The following LSAMP variants were observed in gnomAD, a reference collection of about 807,000 sequenced individuals.
The protein encoded by LSAMP is limbic system-associated membrane protein.
A neutral mutation model predicts 38.6 loss-of-function variants in LSAMP; 7 were observed. The ratio of observed to expected loss-of-function variants is 0.18; its 90% CI spans 0.10 to 0.34. LSAMP has a LOEUF of 0.34. Ranked by LOEUF, LSAMP falls within the 10% of genes least tolerant of loss-of-function variation. The pLI, the probability that LSAMP is intolerant of heterozygous loss-of-function variation, is 1.00. For missense variants in LSAMP, 313 were observed against 420.0 expected, an observed-to-expected ratio of 0.75 and a Z score of 2.23; for synonymous variants, 154 against 166.8, an observed-to-expected ratio of 0.92 and a Z score of 0.59.
chr3:115,948,229 A>T (rs1314918204), intron 3 of LSAMP, among the ~76,000 whole-genome samples: 2 of 152,234 alleles, frequency 1.3e-5, no homozygotes, highest in Non-Finnish European at 2.9e-5. Flanking sequence ...TGAAGATTTC[A>T]TTCATTTGGT....
chr3:116,413,126 A>G (rs1210557139), intron 1 of LSAMP, among the ~76,000 whole-genome samples: 6 of 152,082 alleles, frequency 3.9e-5, no homozygotes, highest in Admixed American at 2.6e-4. Context: ...TTGATAATCA[A>G]TGGCTTATAA....
intron 3 of LSAMP, among the ~76,000 whole-genome samples, chr3:115,917,872 A>G (rs892745311): frequency 5.9e-5 from 9 of 152,172 alleles, no homozygotes; most frequent in African/African-American, 2.2e-4. Flanking sequence ...TGCCTCACCA[A>G]CTTCCATAAA....
intron 1 of LSAMP, among the ~76,000 whole-genome samples, chr3:116,326,536 A>T (rs758939728): frequency 2.6e-5 from 4 of 152,138 alleles, no homozygotes; most frequent in Non-Finnish European, 5.9e-5. Context: ...ATAGGGAGGC[A>T]CACCAGCTTG....
At chr3:116,389,083 T>C (rs1369039316) in intron 1 of LSAMP, among the ~76,000 whole-genome samples, 5 of 152,130 alleles carry the variant, frequency 3.3e-5, no homozygotes, top group Non-Finnish European at 4.4e-5. Context: ...CTTTGTGTCT[T>C]GGAGGGATGG....
intron 2 of LSAMP, among the ~76,000 whole-genome samples, chr3:116,045,379 G>A (rs537046765): frequency 6.6e-6 from 1 of 152,206 alleles, no homozygotes; most frequent in Admixed American, 6.5e-5. Flanking sequence ...TGTCTTTGAA[G>A]GGAATGTGGC....
At position 116,003,819 on chromosome 3, in the gene LSAMP, G is replaced by C. The variant is rs1461441533; in HGVS notation, c.514+15696C>G. Among the ~76,000 whole-genome samples, 3 of 152,248 alleles carry C rather than the reference G, an allele frequency of 2.0e-5. 1 individual carries two copies. The highest frequency in any genetic ancestry group is 7.2e-5 in the African/African-American group (3 of 41,560). ...GTTACAAGAAGCTAGAAGAAGTAAG[G>C]AAAGTTTTCCCACTAGATCCTTCAA... On this transcript the variant is annotated intron_variant, in intron 3 of 6. Transcript: ENST00000490035.
intron 1 of LSAMP, among the ~76,000 whole-genome samples, chr3:116,212,894 T>C (rs772823182): frequency 3.9e-5 from 6 of 152,066 alleles, no homozygotes; most frequent in Non-Finnish European, 8.8e-5. Context: ...AAGTACAAAG[T>C]TATACTATTT....
At chr3:116,162,273 A>G (rs1576402214) in intron 1 of LSAMP, among the ~76,000 whole-genome samples, 1 of 152,136 alleles carries the variant, frequency 6.6e-6, no homozygotes, top group South Asian at 2.1e-4. Context: ...TGCCTTGTGC[A>G]TGGTTTGGTG....
intron 1 of LSAMP, among the ~76,000 whole-genome samples, chr3:116,422,098 A>T (rs1403294534): frequency 6.6e-6 from 1 of 152,248 alleles, no homozygotes; most frequent in Non-Finnish European, 1.5e-5. Flanking sequence ...TTTAGTCATT[A>T]AAAGGGAGCA....
chr3:116,264,869 G>T (rs2046872481), intron 1 of LSAMP, among the ~76,000 whole-genome samples: 1 of 151,830 alleles, frequency 6.6e-6, no homozygotes, highest in South Asian at 2.1e-4. Flanking sequence ...GGCCTCCCAA[G>T]TGCTGGGGGA....
In LSAMP at chr3:116,286,890, T is replaced by TC. The variant is rs547415596; in HGVS notation, c.155+157986_155+157987insG. 4.0e-4 allele frequency among the ~76,000 whole-genome samples: 58 copies of TC among 145,984 alleles called. 1 individual carries two copies. The highest frequency in any genetic ancestry group is 1.3e-3 in the African/African-American group (51 of 39,168). Reference sequence around the variant, plus strand: ...CATACCATGTGTATTATCTCTCAAGTTAAAAAAAAAAAAAAAAGGTAACTA... The same window carrying TC: ...CATACCATGTGTATTATCTCTCAAGTCTAAAAAAAAAAAAAAAAGGTAACTA... On this transcript the variant is annotated intron_variant, in intron 1 of 6. Transcript: ENST00000490035.
At chr3:116,410,159 A>G (rs774095296) in intron 1 of LSAMP, among the ~76,000 whole-genome samples, 2 of 152,096 alleles carry the variant, frequency 1.3e-5, no homozygotes, top group African/African-American at 4.8e-5. Flanking sequence ...AAATCTCTAT[A>G]TAGCACCTCA....
At chr3:116,409,991 G>C (rs1576202122) in intron 1 of LSAMP, among the ~76,000 whole-genome samples, 1 of 152,078 alleles carries the variant, frequency 6.6e-6, no homozygotes, top group Non-Finnish European at 1.5e-5. Flanking sequence ...GTGCCACAGG[G>C]AAGAGGACTC....
At chr3:116,256,201 G>T (rs1457818868) in intron 1 of LSAMP, among the ~76,000 whole-genome samples, 1 of 152,242 alleles carries the variant, frequency 6.6e-6, no homozygotes, top group East Asian at 1.9e-4. Context: ...CCAGGTTTTG[G>T]ATTAAATGTT....
intron 1 of LSAMP, among the ~76,000 whole-genome samples, chr3:116,199,381 CCTCTTTTACACTAGTATT>C (rs2045958705): frequency 6.6e-6 from 1 of 152,150 alleles, no homozygotes; most frequent in Non-Finnish European, 1.5e-5. Context: ...TTCAATCTTA[CCTCTTTTACACTAGTATT>C]ATACTTAGCC....
chr3:116,299,084 C>T (rs957783), intron 1 of LSAMP, among the ~76,000 whole-genome samples: 36,721 of 151,998 alleles, frequency 0.24, 7,548 homozygotes, highest in African/African-American at 0.56. Flanking sequence ...TCTTTTTAAG[C>T]AATGAGCTGA....
chr3:116,000,323 A>C (rs1285964051), intron 3 of LSAMP, among the ~76,000 whole-genome samples: 1 of 152,070 alleles, frequency 6.6e-6, no homozygotes, highest in Non-Finnish European at 1.5e-5. Context: ...ATGTATATAT[A>C]TTTGCAGATG....
At chr3:116,158,977 T>C (rs1709821672) in intron 1 of LSAMP, among the ~76,000 whole-genome samples, 1 of 152,056 alleles carries the variant, frequency 6.6e-6, no homozygotes, top group Non-Finnish European at 1.5e-5. Context: ...TCATGTGATC[T>C]TCGACAAAGT....
chr3:116,214,913 G>T (rs1204271611), intron 1 of LSAMP, among the ~76,000 whole-genome samples: 1 of 152,136 alleles, frequency 6.6e-6, no homozygotes, highest in Non-Finnish European at 1.5e-5. Flanking sequence ...AAATTTCAAT[G>T]AACTGTGACT....
Sources: gnomAD v4.1 joint callset for allele counts (sites outside exome capture counted in the v4.1 genomes callset) on GRCh38, gnomAD v4.1.1 for gene constraint, MANE v1.5 for transcripts, NCBI Gene and HGNC (gene_info 2026-07-23, HGNC 2026-07-21) for gene names.